Variants in PLEKHG5 observed in about 807,000 individuals in gnomAD.
PLEKHG5 encodes pleckstrin homology domain-containing family G member 5.
PLEKHG5 carries 52 observed loss-of-function variants against 103.8 expected under a neutral mutation model. The observed-to-expected ratio is 0.50, with a 90% CI of 0.40 to 0.63. The LOEUF (loss-of-function observed/expected upper bound fraction) is 0.63, where lower values mean the gene tolerates loss of function less well. Ranked by LOEUF, PLEKHG5 falls within the 30% of genes least tolerant of loss-of-function variation. The probability of loss-of-function intolerance (pLI) is 0.00; values close to 1 mark genes in which losing one functional copy is unlikely to be tolerated. For missense variants in PLEKHG5, 1,205 were observed against 1,347.6 expected (o/e 0.89, Z 1.66); for synonymous variants, 592 against 575.5 (o/e 1.03, Z -0.41).
In PLEKHG5 at chr1:6,469,405, C is replaced by A. The variant is rs1460646554; in HGVS notation, c.1979G>T (p.Gly660Val). The A allele has an allele frequency of 3.7e-6, 6 of 1,614,030 alleles. No homozygotes were observed. Among genetic ancestry groups the A allele is most frequent in the Non-Finnish European group, 4.2e-6 (5 of 1,180,046 alleles). Residue 660 changes from glycine (G) to valine (V), a missense_variant, in exon 18 of 21, where the codon GGG becomes GTG. By Grantham distance (109) the Gly-to-Val change is moderately radical. Coordinates refer to ENST00000377728, the MANE Select transcript of PLEKHG5 (RefSeq NM_020631.6). ...GCCACTGGCCTGGAACGTGTAGGCC[C>A]CTACAGCACTGTGAAACTCATTCAG... ...IYLNEFHSAVGAYTFQASGQA... is the reference protein window; with the variant it reads ...IYLNEFHSAVVAYTFQASGQA...
chr1:6,471,144 C>G (rs768453787), intron 12 of PLEKHG5, 44 bp from the exon 13 acceptor site: 1 of 1,478,076 alleles, frequency 6.8e-7, no homozygotes, highest in Non-Finnish European at 9.2e-7. Flanking sequence ...ACCGCGCGCT[C>G]CCTGCGGGCC....
chr1:6,517,782 C>T (rs1427549781), intron 1 of PLEKHG5, among the ~76,000 whole-genome samples: 2 of 152,172 alleles, frequency 1.3e-5, no homozygotes, highest in Non-Finnish European at 2.9e-5. Flanking sequence ...GTCCATGGCC[C>T]AAATGCCCCG....
chr1:6,479,282 CTTTTTTTTTT>C (rs59798457), intron 1 of PLEKHG5, among the ~76,000 whole-genome samples: 11 of 130,914 alleles, frequency 8.4e-5, no homozygotes, highest in Admixed American at 1.6e-4. Flanking sequence ...TCTGTTTATC[CTTTTTTTTTT>C]TTTTTTTTTT....
chr1:6,507,618 C>G (rs764727652), intron 1 of PLEKHG5, among the ~76,000 whole-genome samples: 5 of 151,802 alleles, frequency 3.3e-5, no homozygotes, highest in African/African-American at 1.2e-4. Flanking sequence ...GCTCTGTTTC[C>G]GGGGGGCGGG....
chr1:6,483,521 C>T (rs998872403), intron 1 of PLEKHG5, among the ~76,000 whole-genome samples: 13 of 152,226 alleles, frequency 8.5e-5, no homozygotes, highest in African/African-American at 3.1e-4. Flanking sequence ...CAAAATTAGC[C>T]GGGTGTGGTG....
upstream of PLEKHG5, chr1:6,497,366 G>T: frequency 9.0e-7 from 1 of 1,105,134 alleles, no homozygotes; most frequent in Non-Finnish European, 1.1e-6. This position sits in a 1 kb window ranked among gnomAD's most constrained non-coding sequence, Gnocchi z 6.1. Flanking sequence ...GGCGGGCGGG[G>T]GCGCCGGGGA....
intron 1 of PLEKHG5, among the ~76,000 whole-genome samples, chr1:6,489,693 CTGGGCT>C (rs1402054005): frequency 6.6e-6 from 1 of 152,200 alleles, no homozygotes; most frequent in Non-Finnish European, 1.5e-5. Context: ...GGGCACCTGC[CTGGGCT>C]TCAGAAGACC....
intron 20 of PLEKHG5, 57 bp from the exon 21 acceptor site, chr1:6,467,629 C>G: frequency 1.9e-6 from 3 of 1,580,588 alleles, no homozygotes; most frequent in African/African-American, 1.3e-5. Context: ...CAGAGTGGCT[C>G]TGGTCACCCT....
upstream of PLEKHG5, among the ~76,000 whole-genome samples, chr1:6,500,609 A>G (rs1200685019): frequency 5.5e-5 from 6 of 110,046 alleles, no homozygotes; most frequent in African/African-American, 1.8e-4. Flanking sequence ...AAGCAGACCT[A>G]GAACCCTGAA....
Position 6,473,055 on chromosome 1 carries a change from T to C in PLEKHG5, c.915A>G (p.Glu305=), listed in dbSNP as rs201420391. The C allele has an allele frequency of 2.5e-6, 4 of 1,613,928 alleles. No individual in the cohort carries two copies. The East Asian group carries it at 8.9e-5, about 36-fold the overall frequency. The change falls in exon 9 of 21, where the codon GAA becomes GAG. Residue 305 remains glutamate, a synonymous_variant. Coordinates refer to ENST00000377728, the MANE Select transcript of PLEKHG5 (RefSeq NM_020631.6). ...GGCAGGCATTGTCCTCATCCTCGTC[T>C]TCATCGTACTCCTCCTCCCAGGAGT... ...DHDSWEEEYD[E]DEDEDNACLR...
At chr1:6,478,620 T>C (rs1644822959) in intron 1 of PLEKHG5, among the ~76,000 whole-genome samples, 1 of 152,192 alleles carries the variant, frequency 6.6e-6, no homozygotes, top group African/African-American at 2.4e-5. Context: ...CCAAGTTTTG[T>C]TTTAAAATAT....
At chr1:6,477,944 G>A (rs1158548325) in intron 1 of PLEKHG5, among the ~76,000 whole-genome samples, 2 of 152,022 alleles carry the variant, frequency 1.3e-5, no homozygotes, top group African/African-American at 4.8e-5. Context: ...GCAATGGCTT[G>A]ATCTCGGCTC....
chr1:6,509,721 C>A (rs1000507679), intron 1 of PLEKHG5, among the ~76,000 whole-genome samples: 1 of 152,228 alleles, frequency 6.6e-6, no homozygotes, highest in African/African-American at 2.4e-5. Flanking sequence ...CAGGGTTAGG[C>A]TTCTGCCTCC....
At position 6,491,375 on chromosome 1, in the gene PLEKHG5, C is replaced by A. The variant is rs1310296022; in HGVS notation, c.-88+262G>T. On this transcript the variant is annotated intron_variant, in intron 1 of 20. Transcript: ENST00000377728. The surrounding 1 kb of genome is among the most constrained non-coding windows in gnomAD (Gnocchi z 4.1). ...CCTTGGGGCTGGGCCTATACTAGGG[C>A]AGCTCCTGGCTGGGCCAGGGATCCC... Among the ~76,000 whole-genome samples the A allele has an allele frequency of 6.6e-6, 1 of 152,182 alleles. No homozygotes were observed. Among genetic ancestry groups the A allele is most frequent in the Non-Finnish European group, 1.5e-5 (1 of 68,028 alleles).
At chr1:6,467,762 C>T in intron 20 of PLEKHG5, 63 bp downstream of exon 20, 1 of 1,581,680 alleles carries the variant, frequency 6.3e-7, no homozygotes, top group Non-Finnish European at 8.7e-7. Context: ...TGCTCCCAGG[C>T]ATGAGTGGGC....
chr1:6,499,740 C>G (rs777682910), upstream of PLEKHG5, among the ~76,000 whole-genome samples: 20 of 152,144 alleles, frequency 1.3e-4, no homozygotes, highest in Non-Finnish European at 2.6e-4. Flanking sequence ...GTAAGGGGGA[C>G]ATACTGTATC....
At position 6,473,335 on chromosome 1, in the gene PLEKHG5, G is replaced by A. The variant is rs758869671; in HGVS notation, c.711C>T (p.Asn237=). The A allele has an allele frequency of 6.4e-7, 1 of 1,557,514 alleles. No homozygotes were observed. The change falls in exon 8 of 21, where the codon AAC becomes AAT. Residue 237 remains asparagine (N), a synonymous_variant. Coordinates refer to ENST00000377728, the MANE Select transcript of PLEKHG5 (RefSeq NM_020631.6). The part of the protein sequence containing the change: ...SLPSGSSGST[N]TGDSWKNRAA... ...CCCGGTTCTTCCAGCTGTCGCCAGT[G>A]TTGGTGCTGCCACTGCTGCCGCTGG... is the stretch of plus-strand genomic sequence containing the variant.
At chr1:6,485,446 C>T (rs892468796) in intron 1 of PLEKHG5, 43 of 1,268,880 alleles carry the variant, frequency 3.4e-5, no homozygotes, top group Non-Finnish European at 4.1e-5. Flanking sequence ...GTCCCCATGG[C>T]GGCCGGAGGA....
intron 1 of PLEKHG5, among the ~76,000 whole-genome samples, chr1:6,508,647 C>G (rs761157143): frequency 6.6e-6 from 1 of 152,264 alleles, no homozygotes; most frequent in Non-Finnish European, 1.5e-5. Flanking sequence ...AGCGATGCCG[C>G]TGACAAACAC....
Sources: allele counts gnomAD v4.1 joint callset (sites outside exome capture counted in the v4.1 genomes callset), GRCh38; gene constraint gnomAD v4.1.1; non-coding constraint Gnocchi (gnomAD v3.1); transcripts MANE v1.5; gene names NCBI Gene and HGNC (gene_info 2026-07-23, HGNC 2026-07-21).